Variants in TMEM131 observed in about 807,000 individuals in gnomAD.
The protein encoded by TMEM131 is transmembrane protein 131.
Under a neutral mutation model 211.6 loss-of-function variants are expected in TMEM131, and 66 were observed. The ratio of observed to expected loss-of-function variants is 0.31; its 90% CI spans 0.26 to 0.38. The LOEUF (loss-of-function observed/expected upper bound fraction) is 0.38. TMEM131 is among the 10% of genes least tolerant of loss of function. TMEM131 has a pLI of 1.00. For synonymous variants in TMEM131, 844 were observed against 841.3 expected, an observed-to-expected ratio of 1.00 and a Z score of -0.06; for missense variants, 2,036 against 2,299.3, an observed-to-expected ratio of 0.89 and a Z score of 2.34.
intron 5 of TMEM131, among the ~76,000 whole-genome samples, chr2:97,851,441 T>C (rs953444190): frequency 6.6e-6 from 1 of 152,210 alleles, no homozygotes; most frequent in African/African-American, 2.4e-5. Flanking sequence ...GTTGGGTGTA[T>C]CTTCAAAACA....
intron 1 of TMEM131, 114 bp from the exon 2 acceptor site, chr2:97,927,601 ATGGTGATGGTTG>A: frequency 1.3e-6 from 1 of 748,612 alleles, no homozygotes. Context: ...GGACTGCTTA[ATGGTGATGGTTG>A]AAAAGAAAAA....
chr2:97,777,087 A>T (rs1679772709), intron 31 of TMEM131, among the ~76,000 whole-genome samples: 1 of 152,206 alleles, frequency 6.6e-6, no homozygotes, highest in African/African-American at 2.4e-5. Flanking sequence ...GGAACATAGT[A>T]GCAAACAACA....
intron 4 of TMEM131, among the ~76,000 whole-genome samples, chr2:97,867,886 C>T (rs999605315): frequency 5.3e-5 from 8 of 152,210 alleles, no homozygotes; most frequent in African/African-American, 1.9e-4. Context: ...TAGGTTGTAG[C>T]CCAAATGCCA....
chr2:97,907,196 A>G (rs963746256), intron 3 of TMEM131: 5 of 152,226 alleles, frequency 3.3e-5, no homozygotes, highest in African/African-American at 4.8e-5. Context: ...CTAAACATGC[A>G]GTGGTTTGGA....
intron 25 of TMEM131, among the ~76,000 whole-genome samples, chr2:97,799,248 T>A (rs1262076123): frequency 6.6e-6 from 1 of 152,186 alleles, no homozygotes; most frequent in East Asian, 1.9e-4. Flanking sequence ...CCATTGTGTT[T>A]TTCAGTGTCA....
intron 38 of TMEM131, chr2:97,760,368 T>C: frequency 1.8e-6 from 1 of 568,906 alleles, no homozygotes; most frequent in Non-Finnish European, 3.1e-6. Context: ...GAGACAGGCA[T>C]GGGTGCCCCC....
chr2:97,811,915 T>C (rs940695160), intron 17 of TMEM131, among the ~76,000 whole-genome samples: 3 of 152,160 alleles, frequency 2.0e-5, no homozygotes, highest in South Asian at 4.1e-4. Context: ...TGTTTTCTCT[T>C]GTTTAGCGCT....
chr2:97,772,110 C>T (rs528052225), intron 33 of TMEM131, among the ~76,000 whole-genome samples, 187 bp downstream of exon 33: 2 of 152,240 alleles, frequency 1.3e-5, no homozygotes, highest in East Asian at 3.9e-4. Flanking sequence ...ATGGCTATTC[C>T]GAGTCAACAA....
Position 97,864,539 on chromosome 2 carries a change from T to A in TMEM131, c.360-5112A>T, listed in dbSNP as rs141585713. The stretch of plus-strand genomic sequence containing the variant: ...TACCCACAAAAATTTAAAATAATTT[T>A]AAAAAAAAGCAACAAATTAATCAGG... On this transcript the variant is annotated intron_variant, in intron 4 of 40. Coordinates refer to ENST00000186436, the MANE Select transcript of TMEM131 (RefSeq NM_015348.2). Among the ~76,000 whole-genome samples the A allele has an allele frequency of 4.1e-3, 616 of 152,028 alleles. 2 individuals are homozygous for A. Among genetic ancestry groups the A allele is most frequent in the Non-Finnish European group, 6.5e-3 (441 of 67,966 alleles).
intron 5 of TMEM131, among the ~76,000 whole-genome samples, chr2:97,849,874 T>C (rs1287763862): frequency 2.0e-5 from 3 of 152,058 alleles, no homozygotes; most frequent in African/African-American, 4.8e-5. Context: ...GGTTTAACTC[T>C]TGGTGGGCAA....
chr2:97,796,839 C>T lies in TMEM131; in HGVS notation c.3013+5G>A. The T allele has an allele frequency of 6.2e-7, 1 of 1,612,160 alleles. No individual in the cohort carries two copies. The highest frequency in any genetic ancestry group is 1.3e-5 in the African/African-American group (1 of 74,978). On this transcript the variant is annotated splice_donor_5th_base_variant and intron_variant, in intron 27 of 40. Coordinates refer to ENST00000186436, the MANE Select transcript of TMEM131 (RefSeq NM_015348.2). ...AGTGTCCTTGAAACTGTTAGGAAGA[C>T]TTACTATCTGTACAATCTTTTAACA...
intron 10 of TMEM131, 33 bp downstream of exon 10, chr2:97,834,586 AAC>A: frequency 6.8e-7 from 1 of 1,472,964 alleles, no homozygotes; most frequent in Non-Finnish European, 9.0e-7. Flanking sequence ...AAAAAAAAAA[AAC>A]TCCATAAAGA....
At chr2:97,882,907 G>A (rs979458413) in intron 4 of TMEM131, among the ~76,000 whole-genome samples, 1 of 152,142 alleles carries the variant, frequency 6.6e-6, no homozygotes. Context: ...TAGTAGAATG[G>A]TGGCTCAGTC....
intron 1 of TMEM131, among the ~76,000 whole-genome samples, chr2:97,983,026 G>A (rs953711023): frequency 1.3e-5 from 2 of 152,094 alleles, no homozygotes; most frequent in African/African-American, 4.8e-5. Context: ...CCAACCAATC[G>A]TTACCTCCTC....
At chr2:97,826,840 G>A (rs1008682376) in intron 11 of TMEM131, among the ~76,000 whole-genome samples, 1 of 152,122 alleles carries the variant, frequency 6.6e-6, no homozygotes, top group African/African-American at 2.4e-5. Context: ...TGCTGTCAGA[G>A]TAAACAAGGA....
chr2:97,795,272 C>T (rs1663101425), intron 28 of TMEM131, among the ~76,000 whole-genome samples, 157 bp from the exon 29 acceptor site: 1 of 151,988 alleles, frequency 6.6e-6, no homozygotes, highest in South Asian at 2.1e-4. Context: ...AAGTATTGTC[C>T]CATGGTCAGT....
chr2:97,811,207 G>T lies in TMEM131; in HGVS notation c.1889C>A (p.Ala630Glu). Reference sequence around the variant, plus strand: ...TGCAGTAAGTTTGACTCTGAAGACTGCAAAATAGCCTGAAGCTAATGTTAC... The same window carrying T: ...TGCAGTAAGTTTGACTCTGAAGACTTCAAAATAGCCTGAAGCTAATGTTAC... ...SSVTLASGYF[A>E]VFRVKLTAKK... Residue 630 changes from alanine (A) to glutamate (E), a missense_variant, in exon 18 of 41, where the codon GCA (alanine) becomes GAA (glutamate). Ala to Glu is a moderately radical substitution (Grantham distance 107). Coordinates refer to ENST00000186436, the MANE Select transcript of TMEM131 (RefSeq NM_015348.2). The T allele has an allele frequency of 1.2e-6, 2 of 1,613,410 alleles. No individual in the cohort carries two copies. Among genetic ancestry groups the T allele is most frequent in the Non-Finnish European group, 1.7e-6 (2 of 1,179,500 alleles).
chr2:97,987,639 AGT>A (rs1680086936), intron 1 of TMEM131, among the ~76,000 whole-genome samples: 2 of 152,234 alleles, frequency 1.3e-5, no homozygotes, highest in South Asian at 4.1e-4. Context: ...TCAAATATGG[AGT>A]GTTTACTAAA....
intron 5 of TMEM131, among the ~76,000 whole-genome samples, chr2:97,845,165 C>G (rs1162692954): frequency 5.9e-5 from 9 of 151,712 alleles, no homozygotes; most frequent in Non-Finnish European, 1.3e-4. Flanking sequence ...TTTCTTGAAC[C>G]CATCACAGAG....
Sources: allele counts gnomAD v4.1 joint callset (sites outside exome capture counted in the v4.1 genomes callset), GRCh38; gene constraint gnomAD v4.1.1; transcripts MANE v1.5; gene names NCBI Gene and HGNC (gene_info 2026-07-23, HGNC 2026-07-21).